The following NELL1 variants were observed in gnomAD, a reference collection of about 807,000 sequenced individuals.
The protein encoded by NELL1 is neural EGFL like 1, also known as protein kinase C-binding protein NELL1.
In NELL1, 76 loss-of-function variants were observed where a neutral mutation model predicts 107.4. That is an observed-to-expected ratio of 0.71 (90% CI 0.59 to 0.86). The LOEUF (loss-of-function observed/expected upper bound fraction) is 0.86, where lower values mean the gene tolerates loss of function less well. NELL1 is among the 40% of genes least tolerant of loss of function. The probability of loss-of-function intolerance (pLI) is 0.00; values close to 1 mark genes in which losing one functional copy is unlikely to be tolerated. For synonymous variants in NELL1, 353 were observed against 341.2 expected, an observed-to-expected ratio of 1.03 and a Z score of -0.38; for missense variants, 1,024 against 1,005.5, an observed-to-expected ratio of 1.02 and a Z score of -0.25.
At chr11:21,030,725 A>T (rs1023859069) in intron 12 of NELL1, among the ~76,000 whole-genome samples, 1 of 149,308 alleles carries the variant, frequency 6.7e-6, no homozygotes, top group South Asian at 2.1e-4. Context: ...TTATTTGTTA[A>T]TTTTTTTAAA....
chr11:21,362,835 T>C, intron 14 of NELL1, among the ~76,000 whole-genome samples: 1 of 152,130 alleles, frequency 6.6e-6, no homozygotes, highest in Admixed American at 6.5e-5. Context: ...GCTCAGACTC[T>C]CCTTGGGTGG....
intron 15 of NELL1, among the ~76,000 whole-genome samples, chr11:21,445,164 G>A (rs1315347068): frequency 6.6e-6 from 1 of 151,960 alleles, no homozygotes; most frequent in African/African-American, 2.4e-5. Context: ...TATTTTATAG[G>A]TTCATGTCTT....
intron 14 of NELL1, among the ~76,000 whole-genome samples, chr11:21,335,867 C>G (rs1850378736): frequency 1.3e-5 from 2 of 151,820 alleles, no homozygotes; most frequent in African/African-American, 4.8e-5. Flanking sequence ...TCAGCCCAGC[C>G]CAAAAGACAG....
intron 14 of NELL1, among the ~76,000 whole-genome samples, chr11:21,304,513 C>T (rs971838920): frequency 7.9e-5 from 12 of 151,506 alleles, no homozygotes; most frequent in African/African-American, 2.9e-4. Flanking sequence ...GAGTTCCAGT[C>T]CTTAGGGCTG....
chr11:21,022,748 T>C (rs2134304589), intron 12 of NELL1, among the ~76,000 whole-genome samples: 1 of 152,198 alleles, frequency 6.6e-6, no homozygotes. Context: ...TATTTCTATC[T>C]CTAGAAAATA....
chr11:21,011,637 A>T (rs529527660), intron 12 of NELL1, among the ~76,000 whole-genome samples: 1 of 151,984 alleles, frequency 6.6e-6, no homozygotes, highest in African/African-American at 2.4e-5. Context: ...GGCTGATTAC[A>T]CTCTCTGCAG....
At position 21,326,067 on chromosome 11, in the gene NELL1, TTTTTTTTTTTTTTTG is replaced by T. The variant is rs1352683715; in HGVS notation, c.1550-44785_1550-44771del. ...AATCCTAGTTTTTTTTTTTTTTTTTTTTTTTTTTTTTTTTGGGCTATTTTGAGTAAAGCTTAAATG... is the reference window on the plus strand; with the variant it reads ...AATCCTAGTTTTTTTTTTTTTTTTTTGGCTATTTTGAGTAAAGCTTAAATG... On this transcript the variant is annotated intron_variant, in intron 14 of 19. Coordinates refer to ENST00000357134, the MANE Select transcript of NELL1 (RefSeq NM_006157.5). Among the ~76,000 whole-genome samples, 403 of 93,194 alleles carry T rather than the reference TTTTTTTTTTTTTTTG, an allele frequency of 4.3e-3. 8 individuals are homozygous for T. The highest frequency in any genetic ancestry group is 0.012 in the African/African-American group (306 of 25,930). The allele number at this position is 93,194 out of a possible 152,430, so 61.1% of individuals were successfully genotyped here. A position where few individuals can be genotyped will look rare whatever the true frequency, so the allele number is the denominator to read the frequency against.
At chr11:21,310,120 A>G (rs1849718956) in intron 14 of NELL1, among the ~76,000 whole-genome samples, 1 of 152,112 alleles carries the variant, frequency 6.6e-6, no homozygotes, top group Non-Finnish European at 1.5e-5. Context: ...CAGCTATTTA[A>G]TTTAAAATAA....
chr11:20,835,762 T>C (rs1394050847), intron 3 of NELL1, among the ~76,000 whole-genome samples: 2 of 152,218 alleles, frequency 1.3e-5, no homozygotes, highest in Non-Finnish European at 2.9e-5. Context: ...CCCTATGCCT[T>C]TTACATAAAT....
At chr11:21,158,312 G>A (rs1004100034) in intron 13 of NELL1, among the ~76,000 whole-genome samples, 9 of 152,204 alleles carry the variant, frequency 5.9e-5, no homozygotes, top group Middle Eastern at 3.4e-3. Flanking sequence ...GTGGGACTTC[G>A]CTTTGTGATC....
chr11:21,210,567 C>A (rs1261502816), intron 13 of NELL1, among the ~76,000 whole-genome samples: 3 of 152,068 alleles, frequency 2.0e-5, no homozygotes, highest in Non-Finnish European at 4.4e-5. Context: ...TTCCCCCTTT[C>A]TAATTGGGTT....
intron 15 of NELL1, among the ~76,000 whole-genome samples, chr11:21,450,096 T>C (rs1382355189): frequency 6.6e-6 from 1 of 152,222 alleles, no homozygotes; most frequent in Non-Finnish European, 1.5e-5. Context: ...CTAGTAATGA[T>C]GCAGCTTTAG....
At chr11:21,491,113 G>T (rs1282253357) in intron 15 of NELL1, among the ~76,000 whole-genome samples, 2 of 151,868 alleles carry the variant, frequency 1.3e-5, no homozygotes, top group African/African-American at 2.4e-5. Flanking sequence ...ATAACAAATA[G>T]TCCCATTAAA....
intron 14 of NELL1, among the ~76,000 whole-genome samples, chr11:21,370,186 T>G (rs903819287): frequency 3.3e-5 from 5 of 152,066 alleles, no homozygotes; most frequent in African/African-American, 9.7e-5. Flanking sequence ...GGAGTAAGAA[T>G]AGCTTTGCAA....
In NELL1 at chr11:21,271,813, G is replaced by A. The variant is rs4923487; in HGVS notation, c.1549+42359G>A. Among the ~76,000 whole-genome samples, 579 of 152,268 alleles carry A rather than the reference G, an allele frequency of 3.8e-3. 11 individuals carry two copies. Among genetic ancestry groups the A allele is most frequent in the Admixed American group, 0.03 (462 of 15,300 alleles). On this transcript the variant is annotated intron_variant, in intron 14 of 19. Transcript: ENST00000357134. ...ATATTATCCCAGGTAAGGCAAGACT[G>A]GTTCAACATTTGAAAATCATTTGAA...
At chr11:21,450,912 C>T (rs1020270941) in intron 15 of NELL1, among the ~76,000 whole-genome samples, 7 of 151,704 alleles carry the variant, frequency 4.6e-5, no homozygotes, top group South Asian at 2.1e-4. Flanking sequence ...AGGGGCAGGC[C>T]GGGTGCGGTG....
intron 15 of NELL1, among the ~76,000 whole-genome samples, chr11:21,386,669 C>T (rs1205192995): frequency 6.6e-6 from 1 of 151,858 alleles, no homozygotes; most frequent in Non-Finnish European, 1.5e-5. Flanking sequence ...TAAAATGATG[C>T]TAACACTGAA....
chr11:21,284,316 T>C (rs185714739), intron 14 of NELL1: 2 of 457,390 alleles, frequency 4.4e-6, no homozygotes, highest in East Asian at 1.4e-4. Flanking sequence ...TATAGCAATC[T>C]GGAGCATGAG....
chr11:21,485,438 G>C (rs1239621133), intron 15 of NELL1, among the ~76,000 whole-genome samples: 1 of 149,202 alleles, frequency 6.7e-6, no homozygotes, highest in Non-Finnish European at 1.5e-5. Flanking sequence ...TCCTGCACCA[G>C]TCCAAGTTCA....
Sources: gnomAD v4.1 joint callset for allele counts (sites outside exome capture counted in the v4.1 genomes callset) on GRCh38, gnomAD v4.1.1 for gene constraint, MANE v1.5 for transcripts, NCBI Gene and HGNC (gene_info 2026-07-23, HGNC 2026-07-21) for gene names.